SPAG9: variants seen among roughly 807,000 people sequenced by gnomAD.
The protein encoded by SPAG9 is sperm associated antigen 9.
A neutral mutation model predicts 166.5 loss-of-function variants in SPAG9; 35 were observed. The observed-to-expected ratio is 0.21, with a 90% confidence interval of 0.16 to 0.28. The LOEUF (loss-of-function observed/expected upper bound fraction) is 0.28, where lower values mean the gene tolerates loss of function less well. Ranked by LOEUF, SPAG9 falls within the 10% of genes least tolerant of loss-of-function variation. The probability of loss-of-function intolerance (pLI) is 1.00; values close to 1 mark genes in which losing one functional copy is unlikely to be tolerated. For missense variants in SPAG9, 1,235 were observed against 1,603.3 expected (o/e 0.77, Z 3.92); for synonymous variants, 534 against 565.5 (o/e 0.94, Z 0.79).
At chr17:51,039,904 A>T (rs2046764132) in intron 5 of SPAG9, among the ~76,000 whole-genome samples, 1 of 152,120 alleles carries the variant, frequency 6.6e-6, no homozygotes, top group Non-Finnish European at 1.5e-5. Flanking sequence ...AACCTGCAGG[A>T]AGGCTAAAAG....
intron 29 of SPAG9, among the ~76,000 whole-genome samples, chr17:50,968,016 C>T (rs755389126): frequency 7.9e-5 from 12 of 152,168 alleles, no homozygotes; most frequent in Non-Finnish European, 1.6e-4. Flanking sequence ...CTCCTCAGTA[C>T]GGTTCCAACT....
rs1489705438 is a variant in SPAG9, at chr17:51,041,233, G to A, written c.741+268C>T. On this transcript the variant is annotated intron_variant, in intron 5 of 29. Coordinates refer to ENST00000262013, the MANE Select transcript of SPAG9 (RefSeq NM_001130528.3). ...AGTTACCCTACTCTAAACTCATATA[G>A]CCTAAATCAAATAGAAATTAATTTT... Among the ~76,000 whole-genome samples, 3 of 152,022 alleles carry A rather than the reference G, an allele frequency of 2.0e-5. No homozygotes were observed. In the East Asian group the frequency reaches 5.8e-4, roughly 29 times the overall value.
intron 6 of SPAG9, 37 bp downstream of exon 6, chr17:51,031,644 A>G: frequency 6.7e-7 from 1 of 1,487,978 alleles, no homozygotes; most frequent in African/African-American, 1.4e-5. Context: ...TCACTTTAGT[A>G]TACTTTTTGC....
chr17:51,002,140 T>C (rs1448635416), intron 12 of SPAG9, among the ~76,000 whole-genome samples: 1 of 152,126 alleles, frequency 6.6e-6, no homozygotes, highest in African/African-American at 2.4e-5. Context: ...CCCAGCCTCC[T>C]GAGTAGCTTG....
At chr17:50,995,282 T>C in intron 17 of SPAG9, 58 bp from the exon 18 acceptor site, 1 of 1,516,324 alleles carries the variant, frequency 6.6e-7, no homozygotes, top group Non-Finnish European at 9.0e-7. Context: ...ATTTTCATGT[T>C]TTCTTAAAAT....
intron 6 of SPAG9, among the ~76,000 whole-genome samples, chr17:51,030,081 A>G (rs2058252): frequency 0.31 from 46,560 of 152,072 alleles, 7,205 homozygotes; most frequent in Admixed American, 0.36. Context: ...ATGGGTTTTA[A>G]ATATCAGGCT....
chr17:51,033,143 G>C (rs900117942), intron 5 of SPAG9, among the ~76,000 whole-genome samples: 1 of 151,024 alleles, frequency 6.6e-6, no homozygotes, highest in African/African-American at 2.4e-5. Flanking sequence ...AACATATCTA[G>C]CACGTCATAC....
chr17:51,023,986 T>G (rs2046051855), intron 6 of SPAG9, among the ~76,000 whole-genome samples: 1 of 152,106 alleles, frequency 6.6e-6, no homozygotes, highest in African/African-American at 2.4e-5. Context: ...AATAGAAAAT[T>G]TGAAAATACA....
chr17:51,056,676 C>T lies in SPAG9; in HGVS notation c.425-194G>A, dbSNP rs527788065. 3.9e-5 allele frequency among the ~76,000 whole-genome samples: 6 copies of T among 152,182 alleles called. No homozygotes were observed. The South Asian group carries it at 1.2e-3, about 32-fold the overall frequency. ...GAAAACTTTCAGACGAGCGGAATAC[C>T]TTAGATTGGTTCTCTAATATTCCTA... On this transcript the variant is annotated intron_variant, in intron 2 of 29. Transcript: ENST00000262013.
intron 1 of SPAG9, among the ~76,000 whole-genome samples, chr17:51,092,506 G>A (rs2048494275): frequency 6.6e-6 from 1 of 152,030 alleles, no homozygotes; most frequent in Admixed American, 6.6e-5. Flanking sequence ...TTATTAAAGA[G>A]TAATTGTTTA....
At chr17:51,084,898 T>G (rs61281147) in intron 1 of SPAG9, among the ~76,000 whole-genome samples, 16,477 of 152,226 alleles carry the variant, frequency 0.11, 1,135 homozygotes, top group Non-Finnish European at 0.16. Context: ...TTGCCCAGGC[T>G]GGAGTGCAGT....
chr17:50,983,307 CA>C (rs2143744454), intron 24 of SPAG9, among the ~76,000 whole-genome samples: 1 of 152,272 alleles, frequency 6.6e-6, no homozygotes, highest in African/African-American at 2.4e-5. Flanking sequence ...AGAGTGGAAA[CA>C]AAAGAATAAA....
intron 12 of SPAG9, among the ~76,000 whole-genome samples, chr17:51,003,213 C>T (rs1382034311): frequency 6.6e-6 from 1 of 151,762 alleles, no homozygotes; most frequent in African/African-American, 2.4e-5. Context: ...CTCCTCCAGC[C>T]TGGAGGAGTG....
intron 1 of SPAG9, among the ~76,000 whole-genome samples, chr17:51,083,137 G>A (rs975316278): frequency 9.2e-5 from 14 of 152,034 alleles, no homozygotes; most frequent in Admixed American, 2.0e-4. Context: ...CAGGATTCCT[G>A]GAGCCAGAAT....
chr17:51,086,325 T>C (rs1474452288), intron 1 of SPAG9, among the ~76,000 whole-genome samples: 1 of 151,684 alleles, frequency 6.6e-6, no homozygotes, highest in Non-Finnish European at 1.5e-5. Flanking sequence ...TTTGGAAACG[T>C]ACAGCTGCCA....
rs571226537 is a variant in SPAG9, at chr17:51,099,892, G to A, written c.304-20188C>T. 4.0e-5 allele frequency among the ~76,000 whole-genome samples: 6 copies of A among 150,850 alleles called. No homozygotes were observed. In the South Asian group the frequency reaches 1.3e-3, roughly 32 times the overall value. On this transcript the variant is annotated intron_variant, in intron 1 of 29. Transcript: ENST00000262013. ...AGACAGGTGGATCACCTGAAGTCAG[G>A]ACTTCGAGACCAGCCTGGCCAAAAA...
chr17:51,092,764 A>AG (rs930243141), intron 1 of SPAG9, among the ~76,000 whole-genome samples: 1 of 149,978 alleles, frequency 6.7e-6, no homozygotes, highest in African/African-American at 2.5e-5. Context: ...AAAAAAAAAA[A>AG]AAAGAAAAAA....
intron 3 of SPAG9, among the ~76,000 whole-genome samples, chr17:51,053,849 AAAAAAG>A (rs1165021513): frequency 6.5e-4 from 45 of 69,710 alleles, no homozygotes; most frequent in African/African-American, 3.1e-3. Flanking sequence ...AAAAAAAAAA[AAAAAAG>A]TATATATATA....
At chr17:51,105,552 T>C (rs188984272) in intron 1 of SPAG9, among the ~76,000 whole-genome samples, 1 of 152,258 alleles carries the variant, frequency 6.6e-6, no homozygotes, top group Admixed American at 6.5e-5. Context: ...CTTCTTCCCT[T>C]TTCTTCCCCA....
Sources: gnomAD v4.1 joint callset for allele counts (sites outside exome capture counted in the v4.1 genomes callset) on GRCh38, gnomAD v4.1.1 for gene constraint, MANE v1.5 for transcripts, NCBI Gene and HGNC (gene_info 2026-07-23, HGNC 2026-07-21) for gene names.